Variants in RBM33 observed in about 807,000 individuals in gnomAD.
The protein encoded by RBM33 is RNA binding motif protein 33.
A neutral mutation model predicts 132.6 loss-of-function variants in RBM33; 28 were observed. That is an observed-to-expected ratio of 0.21 (90% CI 0.16 to 0.29). The LOEUF is 0.29. RBM33 is among the 10% of genes least tolerant of loss of function. The pLI is 1.00. For synonymous variants in RBM33, 634 were observed against 593.0 expected, an observed-to-expected ratio of 1.07 and a Z score of -1.01; for missense variants, 1,291 against 1,518.5, an observed-to-expected ratio of 0.85 and a Z score of 2.49.
intron 3 of RBM33, among the ~76,000 whole-genome samples, chr7:155,675,293 CAAAAAAA>C (rs71881256): frequency 1.6e-5 from 2 of 128,864 alleles, no homozygotes; most frequent in Non-Finnish European, 3.2e-5. Flanking sequence ...GACTCCGTCT[CAAAAAAA>C]AAAAAAAAAA....
intron 3 of RBM33, among the ~76,000 whole-genome samples, chr7:155,673,691 CACAT>C (rs1262270695): frequency 2.9e-5 from 4 of 138,338 alleles, no homozygotes; most frequent in Admixed American, 7.1e-5. Context: ...TATATATACA[CACAT>C]ATATACATAC....
Position 155,775,185 on chromosome 7 carries a change from C to A in RBM33, c.*144C>A. ...AACTGTTCTCCAGAGCGCCAGCCAG[C>A]CACGGGCCTGATTCCAGAGGAGCCG... is the stretch of plus-strand genomic sequence containing the variant. On this transcript the variant is annotated 3_prime_UTR_variant, in exon 18 of 18. Coordinates refer to ENST00000401878, the MANE Select transcript of RBM33 (RefSeq NM_053043.3). 1 of 765,400 alleles carries A rather than the reference C, an allele frequency of 1.3e-6. No individual in the cohort carries two copies. Among genetic ancestry groups the A allele is most frequent in the Non-Finnish European group, 2.3e-6 (1 of 429,708 alleles). 47.4% of individuals were successfully genotyped at this position (765,400 alleles called of 1,614,324 possible).
In RBM33 at chr7:155,745,453, C is replaced by T; in HGVS notation, c.2830C>T (p.Pro944Ser). Reference sequence around the variant, plus strand: ...TGCAGATGTGGAGGAGCCAGCTGTCCCCCAGACTCCTCGAGTGGCGTCCAT... The same window carrying T: ...TGCAGATGTGGAGGAGCCAGCTGTCTCCCAGACTCCTCGAGTGGCGTCCAT... ...KPADVEEPAV[P>S]QTPRVASIQG... Residue 944 changes from proline (P) to serine (S), a missense_variant, in exon 14 of 18, where the codon CCC becomes TCC. Transcript: ENST00000401878. This position sits in a 1 kb window ranked among gnomAD's most constrained non-coding sequence, Gnocchi z 4.1. 1 of 1,613,828 alleles carries T rather than the reference C, an allele frequency of 6.2e-7. No individual in the cohort carries two copies. Among genetic ancestry groups the T allele is most frequent in the Non-Finnish European group, 8.5e-7 (1 of 1,179,850 alleles).
At chr7:155,750,358 A>G (rs924052635) in intron 14 of RBM33, among the ~76,000 whole-genome samples, 1 of 131,860 alleles carries the variant, frequency 7.6e-6, no homozygotes, top group African/African-American at 3.8e-5. Flanking sequence ...TAAAATATTT[A>G]CTTAGTGTAA....
At chr7:155,733,803 C>A (rs1801028311) in intron 9 of RBM33, among the ~76,000 whole-genome samples, 1 of 152,198 alleles carries the variant, frequency 6.6e-6, no homozygotes, top group Non-Finnish European at 1.5e-5. Context: ...CCTGTTTTGT[C>A]ACCTAGACCG....
At chr7:155,662,525 C>T (rs866383914) in intron 1 of RBM33, among the ~76,000 whole-genome samples, 3 of 152,102 alleles carry the variant, frequency 2.0e-5, no homozygotes, top group Non-Finnish European at 4.4e-5. Flanking sequence ...CCCCGCCCCC[C>T]CCGCTCTGAG....
chr7:155,758,221 T>C (rs1346155086), intron 14 of RBM33, among the ~76,000 whole-genome samples: 1 of 152,190 alleles, frequency 6.6e-6, no homozygotes, highest in Non-Finnish European at 1.5e-5. Flanking sequence ...ATACCAAAAC[T>C]CTTGATGATT....
rs140611383 is a variant in RBM33, at chr7:155,711,746, T to TG, written c.1201+292dup. On this transcript the variant is annotated intron_variant, in intron 8 of 17. Coordinates refer to ENST00000401878, the MANE Select transcript of RBM33 (RefSeq NM_053043.3). ...GCTGAAGGTAGGTGAGGCTAAGCTA[T>TG]GATGTTTCATTGGTTGGGCATATTA... is the stretch of plus-strand genomic sequence containing the variant. Among the ~76,000 whole-genome samples, 163 of 152,324 alleles carry TG rather than the reference T, an allele frequency of 1.1e-3. 1 individual carries two copies. The East Asian group carries it at 0.028, about 26-fold the overall frequency.
chr7:155,681,269 A>G lies in RBM33; in HGVS notation c.567+361A>G, dbSNP rs186315372. Among the ~76,000 whole-genome samples, 12 of 152,342 alleles carry G rather than the reference A, an allele frequency of 7.9e-5. 1 individual carries two copies. The highest frequency in any genetic ancestry group is 7.8e-4 in the Admixed American group (12 of 15,306). On this transcript the variant is annotated intron_variant, in intron 5 of 17. Coordinates refer to ENST00000401878, the MANE Select transcript of RBM33 (RefSeq NM_053043.3). The stretch of plus-strand genomic sequence containing the variant: ...CTGATAAAGTCCTTCTAAGGCGAAA[A>G]GATTATTGACCTGCTAAAGACATCT...
chr7:155,736,149 C>T (rs1007792640), intron 9 of RBM33, among the ~76,000 whole-genome samples: 4 of 152,186 alleles, frequency 2.6e-5, no homozygotes, highest in African/African-American at 7.2e-5. Flanking sequence ...TCTATTCTGT[C>T]AATGCCATGG....
At chr7:155,694,820 G>A (rs1362803114) in intron 5 of RBM33, among the ~76,000 whole-genome samples, 3 of 152,112 alleles carry the variant, frequency 2.0e-5, no homozygotes, top group Admixed American at 2.0e-4. Flanking sequence ...CATTTGGGTT[G>A]TTTCCAGTTT....
At position 155,644,884 on chromosome 7, in the gene RBM33, C is replaced by A; in HGVS notation, c.8C>A (p.Ala3Asp). Residue 3 changes from alanine to aspartate, a missense_variant, in exon 1 of 18, where the codon GCC (alanine) becomes GAC (aspartate). Around this residue, in one of 7 missense-constraint regions of RBM33, gnomAD observed 194 missense variants for 249.8 expected, o/e 0.78. Transcript: ENST00000401878. MA[A>D]ALGASGGAGA... ...CCGGGCCCCGCGAGTGCCATGGCGG[C>A]CGCCCTGGGAGCGAGCGGAGGAGCA... 6.7e-7 allele frequency: 1 copy of A among 1,493,610 alleles called. No homozygotes were observed. The highest frequency in any genetic ancestry group is 2.2e-5 in the Admixed American group (1 of 46,486). 92.5% of individuals were successfully genotyped at this position (1,493,610 alleles called of 1,614,324 possible).
chr7:155,769,873 G>A (rs1032740777), intron 16 of RBM33, among the ~76,000 whole-genome samples: 2 of 152,310 alleles, frequency 1.3e-5, no homozygotes, highest in African/African-American at 2.4e-5. Flanking sequence ...GGCACATGAT[G>A]GGAAGCCACA....
intron 9 of RBM33, among the ~76,000 whole-genome samples, chr7:155,725,203 G>GTTTTTTTT (rs59050644): frequency 4.8e-5 from 5 of 105,192 alleles, no homozygotes; most frequent in Non-Finnish European, 8.1e-5. Context: ...TTTTTTAGTT[G>GTTTTTTTT]TTTTTTTTTT....
intron 14 of RBM33, among the ~76,000 whole-genome samples, chr7:155,752,644 C>A (rs1204940819): frequency 6.6e-6 from 1 of 152,196 alleles, no homozygotes; most frequent in Admixed American, 6.5e-5. Context: ...GCATCACATG[C>A]TTCTGAGGCC....
chr7:155,742,494 T>A (rs1801381549), intron 13 of RBM33, among the ~76,000 whole-genome samples: 2 of 152,226 alleles, frequency 1.3e-5, no homozygotes, highest in Non-Finnish European at 2.9e-5. Context: ...TGAATAGATG[T>A]GACTGCGTTC....
chr7:155,739,601 T>C (rs924601931), intron 11 of RBM33, 114 bp from the exon 12 acceptor site: 4 of 1,183,388 alleles, frequency 3.4e-6, no homozygotes, highest in Non-Finnish European at 4.6e-6. Flanking sequence ...AATGAAGTTT[T>C]GGTATCGCTG....
intron 1 of RBM33, among the ~76,000 whole-genome samples, chr7:155,649,916 G>A (rs555177585): frequency 2.0e-5 from 3 of 152,198 alleles, no homozygotes; most frequent in Non-Finnish European, 4.4e-5. Context: ...TCAAAGATCA[G>A]CCAGAGGTAT....
At chr7:155,758,589 A>G (rs73502338) in intron 14 of RBM33, among the ~76,000 whole-genome samples, 1 of 152,330 alleles carries the variant, frequency 6.6e-6, no homozygotes, top group African/African-American at 2.4e-5. Context: ...TCAGTTCCTA[A>G]CAGGCCACAG....
Sources: gnomAD v4.1 joint callset for allele counts (sites outside exome capture counted in the v4.1 genomes callset) on GRCh38, gnomAD v4.1.1 for gene constraint, gnomAD v4.1.1 regional missense constraint, Gnocchi (gnomAD v3.1) non-coding constraint, MANE v1.5 for transcripts, NCBI Gene and HGNC (gene_info 2026-07-23, HGNC 2026-07-21) for gene names.